CNTN6: variants seen among roughly 807,000 people sequenced by gnomAD.
CNTN6 encodes contactin 6, also known as contactin-6.
In CNTN6, 137 loss-of-function variants were observed where a neutral mutation model predicts 122.8. The observed-to-expected ratio is 1.12, with a 90% CI of 0.97 to 1.29. The LOEUF (loss-of-function observed/expected upper bound fraction) is 1.29, where lower values mean the gene tolerates loss of function less well. Ranked by LOEUF, CNTN6 falls within the 50% of genes most tolerant of loss-of-function variation. The probability of loss-of-function intolerance (pLI) is 0.00; values close to 1 mark genes in which losing one functional copy is unlikely to be tolerated. For missense variants in CNTN6, 1,634 were observed against 1,223.4 expected (o/e 1.34, Z -5.01); for synonymous variants, 570 against 426.0 (o/e 1.34, Z -4.16).
chr3:1,102,693 C>A (rs6774743), intron 1 of CNTN6, among the ~76,000 whole-genome samples: 12,515 of 141,356 alleles, frequency 0.089, 1,613 homozygotes, highest in African/African-American at 0.29. Context: ...GCGCCACCGC[C>A]CTCCAGCCTG....
intron 4 of CNTN6, among the ~76,000 whole-genome samples, chr3:1,269,087 A>G (rs2094978650): frequency 6.6e-6 from 1 of 152,176 alleles, no homozygotes; most frequent in South Asian, 2.1e-4. Flanking sequence ...CACATCATAT[A>G]TTTTGTACTT....
At chr3:1,285,591 A>C (rs553080365) in intron 5 of CNTN6, among the ~76,000 whole-genome samples, 4 of 152,312 alleles carry the variant, frequency 2.6e-5, no homozygotes, top group Admixed American at 2.0e-4. Flanking sequence ...ACTTCAACGC[A>C]TTTAACATTT....
intron 4 of CNTN6, among the ~76,000 whole-genome samples, chr3:1,254,656 C>T (rs753797849): frequency 6.6e-6 from 1 of 151,964 alleles, no homozygotes; most frequent in Non-Finnish European, 1.5e-5. Context: ...ATATGTACAG[C>T]ATAAAAAATG....
chr3:1,383,010 G>A lies in CNTN6; in HGVS notation c.2235G>A (p.Ser745=), dbSNP rs376424291. 96 of 1,613,968 alleles carry A rather than the reference G, an allele frequency of 5.9e-5. No individual in the cohort carries two copies. In the Admixed American group the frequency reaches 8.5e-4, roughly 14 times the overall value. The change falls in exon 18 of 23, where the codon TCG becomes TCA. Residue 745 remains serine (S), a synonymous_variant. Transcript: ENST00000446702. ...TCATCATGTTCCGGCCAGTGGGCTC[G>A]ACAACCTGGTCCAAGGAGAAAGTGT... is the stretch of plus-strand genomic sequence containing the variant. ...GYIIMFRPVG[S]TTWSKEKVSS...
intron 1 of CNTN6, among the ~76,000 whole-genome samples, chr3:1,127,252 A>C (rs1250435123): frequency 6.6e-6 from 1 of 151,756 alleles, no homozygotes; most frequent in Non-Finnish European, 1.5e-5. Flanking sequence ...CTCAATCACC[A>C]CAGACAGGAA....
chr3:1,352,227 C>G, intron 11 of CNTN6, 97 bp from the exon 12 acceptor site: 1 of 1,089,470 alleles, frequency 9.2e-7, no homozygotes. Context: ...ATCACATACA[C>G]CCATGATTTT....
At chr3:1,324,125 G>A (rs1211570835) in intron 8 of CNTN6, among the ~76,000 whole-genome samples, 1 of 149,310 alleles carries the variant, frequency 6.7e-6, no homozygotes, top group Non-Finnish European at 1.5e-5. Flanking sequence ...GCCTTGATTT[G>A]TCCCTCAAGG....
intron 13 of CNTN6, 32 bp from the exon 14 acceptor site, chr3:1,372,806 G>C (rs188030724): frequency 5.2e-6 from 7 of 1,354,802 alleles, no homozygotes; most frequent in African/African-American, 1.5e-5. Flanking sequence ...ATGGGCTTAC[G>C]TTTTTATCCA....
intron 1 of CNTN6, among the ~76,000 whole-genome samples, chr3:1,139,939 C>T (rs2125133659): frequency 6.6e-6 from 1 of 152,266 alleles, no homozygotes; most frequent in Non-Finnish European, 1.5e-5. Flanking sequence ...TCAATCTTGT[C>T]TACCTATTAA....
chr3:1,258,468 A>G (rs1268339131), intron 4 of CNTN6, among the ~76,000 whole-genome samples: 1 of 152,140 alleles, frequency 6.6e-6, no homozygotes, highest in Non-Finnish European at 1.5e-5. Context: ...TCACTGTTGT[A>G]ATGCAGGGAA....
In CNTN6 at chr3:1,327,532, G is replaced by A. The variant is rs1701706433; in HGVS notation, c.1159G>A (p.Ala387Thr). The change falls in exon 10 of 23, where the codon GCT becomes ACT. Residue 387 changes from alanine (A) to threonine (T), a missense_variant. Transcript: ENST00000446702. ...GTCAGATTCTGGTGTGTACCAATGT[G>A]CTGCAGAAAACAAATATCAGATAAT... The part of the protein sequence containing the change: ...NVSDSGVYQC[A>T]AENKYQIIYA... The A allele has an allele frequency of 6.2e-7, 1 of 1,610,758 alleles. No individual in the cohort carries two copies. Among genetic ancestry groups the A allele is most frequent in the Non-Finnish European group, 8.5e-7 (1 of 1,178,098 alleles).
At chr3:1,118,295 AAG>A (rs549551263) in intron 1 of CNTN6, among the ~76,000 whole-genome samples, 1 of 152,202 alleles carries the variant, frequency 6.6e-6, no homozygotes, top group South Asian at 2.1e-4. Context: ...GGGCTAGGGA[AAG>A]ATAGTGCTCT....
intron 2 of CNTN6, among the ~76,000 whole-genome samples, chr3:1,148,465 C>A (rs957674734): frequency 6.7e-6 from 1 of 148,238 alleles, no homozygotes; most frequent in Non-Finnish European, 1.5e-5. Flanking sequence ...ATACATATTT[C>A]TCTCATGTTT....
intron 1 of CNTN6, among the ~76,000 whole-genome samples, chr3:1,133,975 C>G (rs941460142): frequency 6.6e-6 from 1 of 150,908 alleles, no homozygotes; most frequent in South Asian, 2.1e-4. Context: ...CACAATCAAT[C>G]GGCCTCCTGT....
chr3:1,199,895 T>C (rs1402496530), intron 2 of CNTN6, among the ~76,000 whole-genome samples: 1 of 152,134 alleles, frequency 6.6e-6, no homozygotes, highest in African/African-American at 2.4e-5. Flanking sequence ...ACAAATAAAA[T>C]AAACAATAGA....
At chr3:1,355,238 T>C (rs59573187) in intron 12 of CNTN6, among the ~76,000 whole-genome samples, 2,211 of 151,664 alleles carry the variant, frequency 0.015, 53 homozygotes, top group African/African-American at 0.051. Context: ...ACCACACAAA[T>C]ACATATAAAT....
chr3:1,105,717 A>T (rs1471171958), intron 1 of CNTN6, among the ~76,000 whole-genome samples: 2 of 152,198 alleles, frequency 1.3e-5, no homozygotes, highest in African/African-American at 4.8e-5. Flanking sequence ...GCAAGTCTAC[A>T]ACTTAAAGTT....
intron 16 of CNTN6, 66 bp downstream of exon 16, chr3:1,374,139 A>C: frequency 7.3e-7 from 1 of 1,363,722 alleles, no homozygotes; most frequent in Non-Finnish European, 1.0e-6. Context: ...AAACAAAACA[A>C]GTATTTTTAT....
chr3:1,141,791 T>A (rs915366893), intron 1 of CNTN6, among the ~76,000 whole-genome samples: 1 of 152,160 alleles, frequency 6.6e-6, no homozygotes, highest in Admixed American at 6.6e-5. Flanking sequence ...TAAGATGTTT[T>A]AAATTATTTT....
Sources: allele counts gnomAD v4.1 joint callset (sites outside exome capture counted in the v4.1 genomes callset), GRCh38; gene constraint gnomAD v4.1.1; transcripts MANE v1.5; gene names NCBI Gene and HGNC (gene_info 2026-07-23, HGNC 2026-07-21).